The following AGO2 variants were observed in gnomAD, a reference collection of about 807,000 sequenced individuals.
AGO2 encodes argonaute RISC catalytic component 2.
A neutral mutation model predicts 102.3 loss-of-function variants in AGO2; 5 were observed. That is an observed-to-expected ratio of 0.05 (90% CI 0.03 to 0.10). The LOEUF (loss-of-function observed/expected upper bound fraction) is 0.10. Ranked by LOEUF, AGO2 falls within the 10% of genes least tolerant of loss-of-function variation. The pLI is 1.00. For missense variants in AGO2, 541 were observed against 1,183.7 expected (o/e 0.46, Z 7.97); for synonymous variants, 449 against 473.1 (o/e 0.95, Z 0.66).
At chr8:140,543,111 C>T (rs748872717) in intron 14 of AGO2, among the ~76,000 whole-genome samples, 10 of 151,514 alleles carry the variant, frequency 6.6e-5, no homozygotes, top group Non-Finnish European at 1.0e-4. Context: ...CAATCCAGCC[C>T]GGGTGACAGT....
Position 140,564,825 on chromosome 8 carries a change from A to G in AGO2, c.337-2191T>C, listed in dbSNP as rs561159951. The stretch of plus-strand genomic sequence containing the variant: ...GTAACAATATCATACACTGTGGAAT[A>G]ATATGCAGCCATAAAAAGGAACAAG... On this transcript the variant is annotated intron_variant, in intron 3 of 18. Coordinates refer to ENST00000220592, the MANE Select transcript of AGO2 (RefSeq NM_012154.5). Among the ~76,000 whole-genome samples the G allele has an allele frequency of 3.3e-5, 5 of 152,234 alleles. No individual in the cohort carries two copies. The East Asian group carries it at 9.7e-4, about 29-fold the overall frequency.
Position 140,528,256 on chromosome 8 carries a change from T to C in AGO2, c.*3788A>G, listed in dbSNP as rs2072536048. On this transcript the variant is annotated 3_prime_UTR_variant, in exon 19 of 19. Transcript: ENST00000220592. The surrounding 1 kb of genome is among the most constrained non-coding windows in gnomAD (Gnocchi z 4.5). ...AAAGTTGGGGAAATAATTTCTATCA[T>C]ATCCATTAGGTACCACATGCACTGG... 1 of 152,218 alleles carries C rather than the reference T, an allele frequency of 6.6e-6. No homozygotes were observed. Among genetic ancestry groups the C allele is most frequent in the African/African-American group, 2.4e-5 (1 of 41,448 alleles). 9.4% of individuals were successfully genotyped at this position (152,218 alleles called of 1,614,324 possible). A position where few individuals can be genotyped will look rare whatever the true frequency, so the allele number is the denominator to read the frequency against.
intron 3 of AGO2, among the ~76,000 whole-genome samples, chr8:140,570,664 C>T (rs374970841): frequency 5.0e-4 from 76 of 152,224 alleles, no homozygotes; most frequent in African/African-American, 1.8e-3. Flanking sequence ...TGTACATGCT[C>T]ACTGAAGTCT....
chr8:140,565,581 C>T (rs1047065631), intron 3 of AGO2, among the ~76,000 whole-genome samples: 2 of 150,650 alleles, frequency 1.3e-5, no homozygotes, highest in African/African-American at 4.9e-5. Flanking sequence ...GTGAAGGTTG[C>T]AGTGAGCCGA....
At chr8:140,613,463 T>C (rs74450909) in intron 1 of AGO2, among the ~76,000 whole-genome samples, 23,821 of 152,258 alleles carry the variant, frequency 0.16, 2,462 homozygotes, top group Admixed American at 0.3. Context: ...ACAACAGATA[T>C]AACCCACATA....
intron 1 of AGO2, among the ~76,000 whole-genome samples, chr8:140,605,022 T>A (rs1444643620): frequency 6.6e-6 from 1 of 152,166 alleles, no homozygotes; most frequent in African/African-American, 2.4e-5. Context: ...AATATTCAGG[T>A]AAGGAAATAA....
Position 140,568,118 on chromosome 8 carries a change from A to G in AGO2, c.336+4694T>C, listed in dbSNP as rs974978209. ...ACTAAAAATACAAAAAAAAAAAAAAAAAAAAAGAAAAGAAAATTAGCCGGG... is the reference window on the plus strand; with the variant it reads ...ACTAAAAATACAAAAAAAAAAAAAAGAAAAAAGAAAAGAAAATTAGCCGGG... On this transcript the variant is annotated intron_variant, in intron 3 of 18. Transcript: ENST00000220592. Among the ~76,000 whole-genome samples, 117 of 151,014 alleles carry G rather than the reference A, an allele frequency of 7.7e-4. 1 individual carries two copies. The highest frequency in any genetic ancestry group is 1.2e-3 in the Non-Finnish European group (82 of 67,706).
chr8:140,572,952 C>A lies in AGO2; in HGVS notation c.216-20G>T. ...ATTTCCCTGAAACAAAGACAAAAGT[C>A]GGGCAAAATGTCAATAAAATGGAGA... On this transcript the variant is annotated intron_variant, in intron 2 of 18. Coordinates refer to ENST00000220592, the MANE Select transcript of AGO2 (RefSeq NM_012154.5). 1 of 1,589,662 alleles carries A rather than the reference C, an allele frequency of 6.3e-7. No individual in the cohort carries two copies. Among genetic ancestry groups the A allele is most frequent in the Non-Finnish European group, 8.6e-7 (1 of 1,167,460 alleles).
At chr8:140,561,971 C>T (rs764208133) in intron 4 of AGO2, among the ~76,000 whole-genome samples, 2 of 152,222 alleles carry the variant, frequency 1.3e-5, no homozygotes, top group Admixed American at 6.5e-5. Flanking sequence ...CCTTCAACTG[C>T]TCCCCTACAC....
chr8:140,564,055 A>T (rs188448888), intron 3 of AGO2, among the ~76,000 whole-genome samples: 6 of 152,232 alleles, frequency 3.9e-5, no homozygotes, highest in Non-Finnish European at 2.9e-5. Flanking sequence ...ATGGCCCCAA[A>T]CTGGCCGCGC....
At chr8:140,590,217 C>T (rs1479491002) in intron 1 of AGO2, among the ~76,000 whole-genome samples, 1 of 152,192 alleles carries the variant, frequency 6.6e-6, no homozygotes, top group South Asian at 2.1e-4. Context: ...CCAGCTGATG[C>T]GTTCTACCCC....
intron 11 of AGO2, among the ~76,000 whole-genome samples, chr8:140,550,241 C>T (rs1013579941): frequency 5.3e-5 from 8 of 152,236 alleles, no homozygotes; most frequent in East Asian, 1.9e-4. Context: ...CATGCTGGTT[C>T]GCAGTCAGCC....
At chr8:140,551,611 C>T (rs1041238571) in intron 10 of AGO2, among the ~76,000 whole-genome samples, 175 bp from the exon 11 acceptor site, 3 of 80,000 alleles carry the variant, frequency 3.7e-5, no homozygotes, top group Non-Finnish European at 5.0e-5. Flanking sequence ...CTGACAGGAT[C>T]GGTAGATGGA....
chr8:140,611,450 C>T (rs757088541), intron 1 of AGO2, among the ~76,000 whole-genome samples: 5 of 152,076 alleles, frequency 3.3e-5, no homozygotes, highest in Non-Finnish European at 7.4e-5. Context: ...CCCTCAGCCT[C>T]CCAAGTAGCT....
In AGO2 at chr8:140,557,289, TG is replaced by T; in HGVS notation, c.879-54del. 1 of 1,538,614 alleles carries T rather than the reference TG, an allele frequency of 6.5e-7. No individual in the cohort carries two copies. The highest frequency in any genetic ancestry group is 8.8e-7 in the Non-Finnish European group (1 of 1,142,704). ...GAGGGCATCCCGGAGCCCCTTCCCC[TG>T]CGCTGCTTTTCATTTGCGTTTGCTT... On this transcript the variant is annotated intron_variant, in intron 7 of 18. Transcript: ENST00000220592. This position sits in a 1 kb window ranked among gnomAD's most constrained non-coding sequence, Gnocchi z 5.9.
chr8:140,569,472 G>A (rs907886397), intron 3 of AGO2, among the ~76,000 whole-genome samples: 1 of 152,194 alleles, frequency 6.6e-6, no homozygotes, highest in Non-Finnish European at 1.5e-5. Flanking sequence ...GTTATTTAGG[G>A]AGTTTATAGT....
chr8:140,614,113 T>C (rs150371675), intron 1 of AGO2, among the ~76,000 whole-genome samples: 1 of 149,568 alleles, frequency 6.7e-6, no homozygotes, highest in East Asian at 2.0e-4. Flanking sequence ...ATCTCTCAGG[T>C]CAGGAGTTCA....
At chr8:140,559,353 G>T (rs752187610) in intron 6 of AGO2, 42 bp downstream of exon 6, 1 of 1,602,684 alleles carries the variant, frequency 6.2e-7, no homozygotes, top group African/African-American at 1.3e-5. Context: ...CCGGGAAGGG[G>T]CCTCCCAGCC....
At chr8:140,634,782 G>A (rs1171029189) in intron 1 of AGO2, among the ~76,000 whole-genome samples, 25 of 152,242 alleles carry the variant, frequency 1.6e-4, no homozygotes, top group Non-Finnish European at 1.5e-5. Flanking sequence ...CACGCAGTTT[G>A]AGGGTTCCGG....
Sources: allele counts gnomAD v4.1 joint callset (sites outside exome capture counted in the v4.1 genomes callset), GRCh38; gene constraint gnomAD v4.1.1; non-coding constraint Gnocchi (gnomAD v3.1); transcripts MANE v1.5; gene names NCBI Gene and HGNC (gene_info 2026-07-23, HGNC 2026-07-21).